CTNNAL1: variants seen among roughly 807,000 people sequenced by gnomAD.
CTNNAL1 encodes the protein alpha-catulin.
A neutral mutation model predicts 93.6 loss-of-function variants in CTNNAL1; 69 were observed. The ratio of observed to expected loss-of-function variants is 0.74; its 90% CI spans 0.61 to 0.90. CTNNAL1 has a LOEUF of 0.90. CTNNAL1 is among the 40% of genes least tolerant of loss of function. The pLI is 0.00. For missense variants in CTNNAL1, 836 were observed against 862.0 expected, an observed-to-expected ratio of 0.97 and a Z score of 0.38; for synonymous variants, 286 against 305.4, an observed-to-expected ratio of 0.94 and a Z score of 0.66.
intron 2 of CTNNAL1, among the ~76,000 whole-genome samples, chr9:108,993,802 T>G (rs971867476): frequency 1.3e-4 from 20 of 152,234 alleles, no homozygotes; most frequent in African/African-American, 4.8e-4. Context: ...TGGATTGATT[T>G]TCTTACAAAA....
chr9:108,965,412 C>T lies in CTNNAL1; in HGVS notation c.1557G>A (p.Leu519=). 6.4e-7 allele frequency: 1 copy of T among 1,572,074 alleles called. No individual in the cohort carries two copies. The highest frequency in any genetic ancestry group is 8.6e-7 in the Non-Finnish European group (1 of 1,160,062). The change falls in exon 11 of 19, where the codon CTG becomes CTA. Residue 519 remains leucine, a synonymous_variant. Transcript: ENST00000325551. ...CTTCAAACACGTCATTGATTTCTCT[C>T]AGCAGTGTTGACATGTCACTAATTT... is the stretch of plus-strand genomic sequence containing the variant. ...ESQISDMSTL[L]REINDVFEGR...
chr9:108,979,693 C>T (rs1180320740), intron 6 of CTNNAL1, among the ~76,000 whole-genome samples: 1 of 152,194 alleles, frequency 6.6e-6, no homozygotes, highest in Non-Finnish European at 1.5e-5. Context: ...AAGCACCATT[C>T]CTAGAGTAAT....
At chr9:108,943,258 G>A (rs1456833966) in intron 17 of CTNNAL1, among the ~76,000 whole-genome samples, 13 of 152,194 alleles carry the variant, frequency 8.5e-5, no homozygotes, top group Admixed American at 4.6e-4. Flanking sequence ...TGGAACCCCA[G>A]CAGAAAGAGT....
At chr9:108,992,178 T>G (rs1028206342) in intron 3 of CTNNAL1, 3 of 611,110 alleles carry the variant, frequency 4.9e-6, no homozygotes, top group Non-Finnish European at 8.8e-6. Context: ...GTTGTACACA[T>G]TTAAAGCTTT....
intron 1 of CTNNAL1, among the ~76,000 whole-genome samples, chr9:109,006,472 C>T (rs1827030677): frequency 6.6e-6 from 1 of 152,208 alleles, no homozygotes; most frequent in Admixed American, 6.5e-5. Flanking sequence ...GTCTCTCTTA[C>T]CTTCCAGGAT....
intron 8 of CTNNAL1, 31 bp from the exon 9 acceptor site, chr9:108,972,864 G>GGGGGGGGGGGGGGGCCCCCCC: frequency 2.1e-5 from 3 of 142,538 alleles, no homozygotes; most frequent in Non-Finnish European, 2.0e-5. Flanking sequence ...GGGGGGGTGG[G>GGGGGGGGGGGGGGGCCCCCCC]AGGGTGGAGA....
At chr9:108,986,295 G>A (rs1039921957) in intron 4 of CTNNAL1, among the ~76,000 whole-genome samples, 1 of 149,666 alleles carries the variant, frequency 6.7e-6, no homozygotes, top group Non-Finnish European at 1.5e-5. Flanking sequence ...TTTTGTCCTT[G>A]CGATAGTTTA....
At chr9:108,996,926 C>T (rs1392678749) in intron 2 of CTNNAL1, among the ~76,000 whole-genome samples, 2 of 6,710 alleles carry the variant, frequency 3.0e-4, no homozygotes, top group Non-Finnish European at 4.8e-4. Context: ...CCCTTTGTTT[C>T]CCACATTTTG....
At chr9:108,986,020 T>C (rs978584357) in intron 4 of CTNNAL1, among the ~76,000 whole-genome samples, 3 of 151,886 alleles carry the variant, frequency 2.0e-5, no homozygotes, top group Non-Finnish European at 2.9e-5. Context: ...ACTGCCACTT[T>C]CTTTTTTTTT....
intron 11 of CTNNAL1, among the ~76,000 whole-genome samples, chr9:108,956,760 T>C (rs1238988593): frequency 6.6e-6 from 1 of 152,160 alleles, no homozygotes; most frequent in Admixed American, 6.5e-5. Flanking sequence ...TATACAAATA[T>C]TTAAAATTTC....
chr9:108,950,670 A>G, intron 14 of CTNNAL1: 3 of 1,501,864 alleles, frequency 2.0e-6, no homozygotes, highest in Non-Finnish European at 2.7e-6. Flanking sequence ...ATCCCATCCC[A>G]TAAAAGGAGG....
Position 108,943,708 on chromosome 9 carries a change from G to A in CTNNAL1, c.2050C>T (p.Leu684=), listed in dbSNP as rs774716122. The change falls in exon 17 of 19, where the codon CTA becomes TTA. Residue 684 remains leucine, a synonymous_variant. Transcript: ENST00000325551. ...TKTSLQNKVF[L]KVDKCITKTR... ...TTTTCATATGTCTCTTTTACCTTTA[G>A]AAATACTTTATTCTGCAAAGAAGTC... 1.9e-6 allele frequency: 3 copies of A among 1,608,696 alleles called. No homozygotes were observed. The highest frequency in any genetic ancestry group is 2.7e-5 in the African/African-American group (2 of 74,568).
chr9:108,948,335 T>G (rs1564120443), intron 14 of CTNNAL1, 101 bp from the exon 15 acceptor site: 3 of 1,130,472 alleles, frequency 2.7e-6, no homozygotes, highest in Admixed American at 5.6e-5. Flanking sequence ...TAACAAATCC[T>G]AAATTTTGAA....
intron 1 of CTNNAL1, among the ~76,000 whole-genome samples, chr9:109,012,424 T>C (rs1827233246): frequency 6.6e-6 from 1 of 152,066 alleles, no homozygotes; most frequent in Non-Finnish European, 1.5e-5. Flanking sequence ...TAGATGTGAG[T>C]CACACATCGC....
In CTNNAL1 at chr9:108,943,950, G is replaced by A. The variant is rs1830323091; in HGVS notation, c.1941+12C>T. The A allele has an allele frequency of 6.2e-7, 1 of 1,612,464 alleles. No homozygotes were observed. The highest frequency in any genetic ancestry group is 1.3e-5 in the African/African-American group (1 of 74,856). On this transcript the variant is annotated intron_variant, in intron 16 of 18. Transcript: ENST00000325551. The stretch of plus-strand genomic sequence containing the variant: ...TACCACCACCAGCTCCAGGTAGGTA[G>A]ACATGTGTTACCTGTTTTGAAAAAG...
At chr9:109,003,926 A>G (rs557347381) in intron 1 of CTNNAL1, among the ~76,000 whole-genome samples, 1 of 152,358 alleles carries the variant, frequency 6.6e-6, no homozygotes, top group African/African-American at 2.4e-5. Context: ...ATTATTTGCT[A>G]TTCCTCCCTT....
chr9:108,998,080 C>T (rs1290997956), intron 2 of CTNNAL1, among the ~76,000 whole-genome samples: 1 of 152,254 alleles, frequency 6.6e-6, no homozygotes, highest in Non-Finnish European at 1.5e-5. Flanking sequence ...GCAGTCTCTG[C>T]TGTAATGTTC....
At chr9:108,998,892 A>C (rs1485234049) in intron 2 of CTNNAL1, among the ~76,000 whole-genome samples, 175 bp downstream of exon 2, 1 of 152,228 alleles carries the variant, frequency 6.6e-6, no homozygotes, top group East Asian at 1.9e-4. Flanking sequence ...TTTCAGATTT[A>C]GGACTTGATC....
At chr9:108,946,291 A>G in intron 15 of CTNNAL1, among the ~76,000 whole-genome samples, 1 of 141,676 alleles carries the variant, frequency 7.1e-6, no homozygotes, top group Admixed American at 7.2e-5. Context: ...GAGCGAGACT[A>G]AGTCTCAAAA....
Sources: gnomAD v4.1 joint callset for allele counts (sites outside exome capture counted in the v4.1 genomes callset) on GRCh38, gnomAD v4.1.1 for gene constraint, MANE v1.5 for transcripts, NCBI Gene and HGNC (gene_info 2026-07-23, HGNC 2026-07-21) for gene names.